FSTL4: variants seen among roughly 807,000 people sequenced by gnomAD.
FSTL4 encodes the protein follistatin like 4, also known as follistatin-related protein 4.
FSTL4 carries 28 observed loss-of-function variants against 78.2 expected under a neutral mutation model. That is an observed-to-expected ratio of 0.36 (90% CI 0.27 to 0.49). The LOEUF (loss-of-function observed/expected upper bound fraction) is 0.49, where lower values mean the gene tolerates loss of function less well. FSTL4 is among the 20% of genes least tolerant of loss of function. The probability of loss-of-function intolerance (pLI) is 0.98; values close to 1 mark genes in which losing one functional copy is unlikely to be tolerated. For synonymous variants in FSTL4, 422 were observed against 440.5 expected, an observed-to-expected ratio of 0.96 and a Z score of 0.53; for missense variants, 922 against 1,084.9, an observed-to-expected ratio of 0.85 and a Z score of 2.11.
intron 3 of FSTL4, among the ~76,000 whole-genome samples, chr5:133,561,090 AAATAAT>A (rs369652665): frequency 0.11 from 14,397 of 131,094 alleles, 876 homozygotes; most frequent in African/African-American, 0.15. Flanking sequence ...CTCGGACTCA[AAATAAT>A]AATAATAATA....
chr5:133,320,993 C>T (rs557963919), intron 4 of FSTL4, among the ~76,000 whole-genome samples: 63 of 121,304 alleles, frequency 5.2e-4, no homozygotes, highest in African/African-American at 1.4e-3. Flanking sequence ...GGTGACAGAG[C>T]GAGACTCCGT....
At chr5:133,311,994 T>C (rs2126887626) in intron 6 of FSTL4, among the ~76,000 whole-genome samples, 1 of 152,298 alleles carries the variant, frequency 6.6e-6, no homozygotes, top group South Asian at 2.1e-4. Flanking sequence ...GTAAGTCCTG[T>C]CCCAGCACCA....
chr5:133,701,490 CA>C, the FSTL4 span, among the ~76,000 whole-genome samples: 1 of 128,226 alleles, frequency 7.8e-6, no homozygotes, highest in Non-Finnish European at 1.6e-5. Context: ...CACACACACA[CA>C]CACACACACA....
chr5:133,764,727 G>T, the FSTL4 span, among the ~76,000 whole-genome samples: 2 of 152,120 alleles, frequency 1.3e-5, no homozygotes. Flanking sequence ...GCTCTCTAAG[G>T]GTTCTGTTCA....
In FSTL4 at chr5:133,233,521, T is replaced by G; in HGVS notation, c.911A>C (p.Asp304Ala). The change falls in exon 8 of 16, where the codon GAT becomes GCT. Residue 304 changes from aspartate (D) to alanine (A), a missense_variant. Coordinates refer to ENST00000265342, the MANE Select transcript of FSTL4 (RefSeq NM_015082.2). ...LEDINDFGED[D>A]SLYITKVTTI... is the part of the protein sequence containing the mutation. ...GGTCACCTTGGTGATGTACAGGGAA[T>G]CATCCTCTCCAAAGTCCTGCACAGG... The G allele has an allele frequency of 6.2e-7, 1 of 1,614,062 alleles. No individual in the cohort carries two copies. The highest frequency in any genetic ancestry group is 8.5e-7 in the Non-Finnish European group (1 of 1,179,992).
At position 133,371,114 on chromosome 5, in the gene FSTL4, C is replaced by T. The variant is rs577981124; in HGVS notation, c.409+29624G>A. On this transcript the variant is annotated intron_variant, in intron 4 of 15. Coordinates refer to ENST00000265342, the MANE Select transcript of FSTL4 (RefSeq NM_015082.2). ...AAGCAGGGCCCATGCAGGGATGGGG[C>T]ATGGAGGGACAGCGCACAGAGGGCC... 5.8e-4 allele frequency among the ~76,000 whole-genome samples: 88 copies of T among 152,294 alleles called. 1 individual carries two copies. The highest frequency in any genetic ancestry group is 2.1e-3 in the African/African-American group (88 of 41,568).
In FSTL4 at chr5:133,239,144, C is replaced by G. The variant is rs898583535; in HGVS notation, c.895-5607G>C. Among the ~76,000 whole-genome samples the G allele has an allele frequency of 4.6e-5, 7 of 152,314 alleles. No individual in the cohort carries two copies. In the East Asian group the frequency reaches 1.2e-3, roughly 25 times the overall value. ...TTAGCACCTGGGCCAGCAGCTGCTG[C>G]GCTGGATTTCTTGCCGGGCCTTAGC... On this transcript the variant is annotated intron_variant, in intron 7 of 15. Transcript: ENST00000265342.
intron 3 of FSTL4, among the ~76,000 whole-genome samples, chr5:133,413,499 T>C (rs1470213761): frequency 6.6e-6 from 1 of 152,194 alleles, no homozygotes; most frequent in Non-Finnish European, 1.5e-5. Context: ...AATTTCTCTG[T>C]GATGCAAACA....
intron 3 of FSTL4, among the ~76,000 whole-genome samples, chr5:133,539,049 A>C (rs1759414783): frequency 6.6e-6 from 1 of 152,180 alleles, no homozygotes; most frequent in Admixed American, 6.5e-5. Context: ...TGAGCAATCT[A>C]GCCGGCAAGG....
chr5:133,210,904 G>T (rs908596619), intron 13 of FSTL4: 1 of 152,198 alleles, frequency 6.6e-6, no homozygotes, highest in African/African-American at 2.4e-5. Flanking sequence ...TTTCACTCAG[G>T]AACCAGCTCC....
intron 3 of FSTL4, among the ~76,000 whole-genome samples, chr5:133,438,290 TG>T (rs1757077695): frequency 6.6e-6 from 1 of 152,264 alleles, no homozygotes; most frequent in East Asian, 1.9e-4. Context: ...CATTATCTTC[TG>T]GCATTCAGTG....
intron 6 of FSTL4, among the ~76,000 whole-genome samples, chr5:133,250,014 A>G (rs75681652): frequency 0.046 from 6,996 of 152,316 alleles, 447 homozygotes; most frequent in African/African-American, 0.14. Context: ...TTTCTCATCC[A>G]TCTGGGGTCA....
At chr5:133,774,695 C>T in the FSTL4 span, among the ~76,000 whole-genome samples, 2 of 152,150 alleles carry the variant, frequency 1.3e-5, no homozygotes, top group African/African-American at 2.4e-5. Flanking sequence ...ATACCTTTGC[C>T]ATCTTATCTA....
intron 6 of FSTL4, among the ~76,000 whole-genome samples, chr5:133,299,107 G>A (rs917570649): frequency 3.0e-4 from 46 of 152,320 alleles, no homozygotes; most frequent in African/African-American, 8.9e-4. Flanking sequence ...TCACTCTGGG[G>A]CCTGGGAATA....
rs1001674434 is a variant in FSTL4 at position 133,258,088 on chromosome 5, C to A, written c.728-8512G>T. Among the ~76,000 whole-genome samples, 2 of 152,136 alleles carry A rather than the reference C, an allele frequency of 1.3e-5. 1 individual carries two copies. Among genetic ancestry groups the A allele is most frequent in the African/African-American group, 4.8e-5 (2 of 41,422 alleles). The stretch of plus-strand genomic sequence containing the variant: ...GGCCATGCTGTGTGTTTCCAAATGC[C>A]AGCTCATCTTCCAATTCCTGTGCAC... On this transcript the variant is annotated intron_variant, in intron 6 of 15. Coordinates refer to ENST00000265342, the MANE Select transcript of FSTL4 (RefSeq NM_015082.2).
chr5:133,224,534 C>T, intron 10 of FSTL4: 1 of 250,766 alleles, frequency 4.0e-6, no homozygotes. Context: ...TCCCAGATTT[C>T]CTGGACAACC....
At chr5:133,577,316 G>A (rs77183324) in intron 2 of FSTL4, among the ~76,000 whole-genome samples, 3,378 of 152,264 alleles carry the variant, frequency 0.022, 125 homozygotes, top group African/African-American at 0.077. Flanking sequence ...GAAAAACACC[G>A]AAGGGGTGCT....
intron 14 of FSTL4, among the ~76,000 whole-genome samples, chr5:133,203,282 C>T (rs531961863): frequency 6.6e-6 from 1 of 152,174 alleles, no homozygotes; most frequent in Non-Finnish European, 1.5e-5. Context: ...TAGATTTCTG[C>T]AGCCTGAGGC....
chr5:133,382,041 C>A (rs1278001245), intron 4 of FSTL4, among the ~76,000 whole-genome samples: 2 of 152,238 alleles, frequency 1.3e-5, no homozygotes, highest in Non-Finnish European at 2.9e-5. Flanking sequence ...ACATCCCCTT[C>A]CCCATCCTGC....
Sources: allele counts gnomAD v4.1 joint callset (sites outside exome capture counted in the v4.1 genomes callset), GRCh38; gene constraint gnomAD v4.1.1; transcripts MANE v1.5; gene names NCBI Gene and HGNC (gene_info 2026-07-23, HGNC 2026-07-21).